The following SP2 variants were observed in gnomAD, a reference collection of about 807,000 sequenced individuals.
SP2 encodes Sp2 transcription factor.
A neutral mutation model predicts 50.1 loss-of-function variants in SP2; 9 were observed. The ratio of observed to expected loss-of-function variants is 0.18; its 90% CI spans 0.11 to 0.31. The LOEUF is 0.31. Ranked by LOEUF, SP2 falls within the 10% of genes least tolerant of loss-of-function variation. The probability of loss-of-function intolerance (pLI) is 1.00; values close to 1 mark genes in which losing one functional copy is unlikely to be tolerated. For synonymous variants in SP2, 313 were observed against 326.6 expected, an observed-to-expected ratio of 0.96 and a Z score of 0.45; for missense variants, 581 against 806.5, an observed-to-expected ratio of 0.72 and a Z score of 3.39.
Position 47,920,189 on chromosome 17 carries a change from C to A in SP2, c.1060-2773C>A, listed in dbSNP as rs543747177. On this transcript the variant is annotated intron_variant, in intron 3 of 6. Transcript: ENST00000376741. ...ATTGGCAGCTCTTTTCAGGTCGGCTCTCTGCAACCTCCGCCTCCCGGGTTC... is the reference window on the plus strand; with the variant it reads ...ATTGGCAGCTCTTTTCAGGTCGGCTATCTGCAACCTCCGCCTCCCGGGTTC... 2.4e-4 allele frequency among the ~76,000 whole-genome samples: 37 copies of A among 152,126 alleles called. 1 individual carries two copies. Among genetic ancestry groups the A allele is most frequent in the African/African-American group, 7.2e-4 (30 of 41,512 alleles).
chr17:47,913,947 CA>C (rs1014269779), intron 1 of SP2, among the ~76,000 whole-genome samples: 2 of 152,110 alleles, frequency 1.3e-5, no homozygotes, highest in Non-Finnish European at 2.9e-5. Flanking sequence ...CACATTTAAA[CA>C]AAAATAGAAT....
chr17:47,915,690 T>A (rs2035171967), intron 2 of SP2, among the ~76,000 whole-genome samples: 1 of 152,170 alleles, frequency 6.6e-6, no homozygotes, highest in African/African-American at 2.4e-5. Context: ...GTCTATAAAG[T>A]TACATGTTCC....
Position 47,925,063 on chromosome 17 carries a change from C to G in SP2, c.1517C>G (p.Thr506Arg), listed in dbSNP as rs759383123. The G allele has an allele frequency of 6.2e-7, 1 of 1,612,944 alleles. No homozygotes were observed. The highest frequency in any genetic ancestry group is 8.5e-7 in the Non-Finnish European group (1 of 1,179,284). Reference protein sequence around the residue: ...PGEKRRRMACTCPNCKDGEKR... With the variant: ...PGEKRRRMACRCPNCKDGEKR... ...GAGAAGCGGCGCCGCATGGCCTGCA[C>G]GTGTCCCAACTGCAAGGATGGGGAG... The change falls in exon 5 of 7, where the codon ACG becomes AGG. Residue 506 changes from threonine (T) to arginine (R), a missense_variant. Transcript: ENST00000376741.
chr17:47,920,291 T>TA (rs1206994089), intron 3 of SP2, among the ~76,000 whole-genome samples: 1 of 133,714 alleles, frequency 7.5e-6, no homozygotes, highest in Non-Finnish European at 1.6e-5. Context: ...AATTTTTGAA[T>TA]TTTTTTTTTT....
At chr17:47,925,574 C>T (rs1452201729) in intron 6 of SP2, 33 bp downstream of exon 6, 1 of 1,583,368 alleles carries the variant, frequency 6.3e-7, no homozygotes, top group Non-Finnish European at 8.6e-7. Context: ...CCTCCACCCA[C>T]AGAGGTCAAA....
In SP2 at chr17:47,916,842, C is replaced by T. The variant is rs2035227431; in HGVS notation, c.771C>T (p.Pro257=). Residue 257 remains proline (P), a synonymous_variant, in exon 3 of 7, where the codon CCC becomes CCT. Transcript: ENST00000376741. The surrounding 1 kb of genome is among the most constrained non-coding windows in gnomAD (Gnocchi z 4.7). The stretch of plus-strand genomic sequence containing the variant: ...AGAAGAGCCTTCCTGCCTCCCAGCC[C>T]CCTGTGGCTGTGGCTGAGCAGGTGG... The part of the protein sequence containing the change: ...ARKKSLPASQ[P]PVAVAEQVET... The T allele has an allele frequency of 6.2e-7, 1 of 1,613,746 alleles. No individual in the cohort carries two copies. Among genetic ancestry groups the T allele is most frequent in the African/African-American group, 1.3e-5 (1 of 74,936 alleles).
rs2035214597 is a variant in SP2, at chr17:47,916,630, T to G, written c.559T>G (p.Ser187Ala). 1 of 1,613,860 alleles carries G rather than the reference T, an allele frequency of 6.2e-7. No individual in the cohort carries two copies. The highest frequency in any genetic ancestry group is 8.5e-7 in the Non-Finnish European group (1 of 1,179,944). Residue 187 changes from serine (S) to alanine (A), a missense_variant, in exon 3 of 7, where the codon TCG becomes GCG. By Grantham distance (99) the Ser-to-Ala change is moderately conservative (BLOSUM62 1). Coordinates refer to ENST00000376741, the MANE Select transcript of SP2 (RefSeq NM_003110.6). The surrounding 1 kb of genome is among the most constrained non-coding windows in gnomAD (Gnocchi z 4.7). ...VPIKPAPIQK[S>A]STTTTPVQSG... ...CATCAAGCCAGCCCCCATCCAGAAG[T>G]CGAGTACGACCACCACCCCCGTGCA...
chr17:47,917,257 C>A, intron 3 of SP2, 127 bp downstream of exon 3: 1 of 943,172 alleles, frequency 1.1e-6, no homozygotes, highest in Non-Finnish European at 1.6e-6. Flanking sequence ...TTGGGGTGGG[C>A]AGTAAGTGGC....
At position 47,917,046 on chromosome 17, in the gene SP2, G is replaced by C. The variant is rs2035238328; in HGVS notation, c.975G>C (p.Gln325His). The C allele has an allele frequency of 1.9e-6, 3 of 1,613,938 alleles. No homozygotes were observed. In the African/African-American group the frequency reaches 4.0e-5, roughly 22 times the overall value. ...CCCAGCAGGCTCTGCGGGTGGTGCA[G>C]GCGGCATCTGCCACCCTCCCCACTG... is the stretch of plus-strand genomic sequence containing the variant. ...QIPQQALRVV[Q>H]AASATLPTVP... The change falls in exon 3 of 7, where the codon CAG becomes CAC. Residue 325 changes from glutamine (Q) to histidine (H), a missense_variant. Transcript: ENST00000376741.
At position 47,916,630 on chromosome 17, in the gene SP2, T is replaced by C; in HGVS notation, c.559T>C (p.Ser187Pro). Residue 187 changes from serine to proline, a missense_variant, in exon 3 of 7, where the codon TCG becomes CCG. Ser to Pro is a moderately conservative substitution (Grantham distance 74, BLOSUM62 -1). Coordinates refer to ENST00000376741, the MANE Select transcript of SP2 (RefSeq NM_003110.6). This position sits in a 1 kb window ranked among gnomAD's most constrained non-coding sequence, Gnocchi z 4.7. ...CATCAAGCCAGCCCCCATCCAGAAG[T>C]CGAGTACGACCACCACCCCCGTGCA... Reference protein sequence around the residue: ...VPIKPAPIQKSSTTTTPVQSG... With the variant: ...VPIKPAPIQKPSTTTTPVQSG... The C allele has an allele frequency of 6.2e-7, 1 of 1,613,860 alleles. No individual in the cohort carries two copies. Among genetic ancestry groups the C allele is most frequent in the African/African-American group, 1.3e-5 (1 of 74,940 alleles).
Position 47,916,831 on chromosome 17 carries a change from GCCTCCCAGC to G in SP2, c.763_771del (p.Ser255_Pro257del), listed in dbSNP as rs749223530. 6.2e-7 allele frequency: 1 copy of G among 1,614,034 alleles called. No homozygotes were observed. Among genetic ancestry groups the G allele is most frequent in the East Asian group, 2.2e-5 (1 of 44,878 alleles). On this transcript the variant is annotated inframe_deletion, in exon 3 of 7. Coordinates refer to ENST00000376741, the MANE Select transcript of SP2 (RefSeq NM_003110.6). The surrounding 1 kb of genome is among the most constrained non-coding windows in gnomAD (Gnocchi z 4.7). The stretch of plus-strand genomic sequence containing the variant: ...GAAAGCAAGGAAGAAGAGCCTTCCT[GCCTCCCAGC>G]CCCCTGTGGCTGTGGCTGAGCAGGT...
intron 1 of SP2, among the ~76,000 whole-genome samples, chr17:47,907,401 A>T (rs1041968663): frequency 6.6e-6 from 1 of 152,188 alleles, no homozygotes; most frequent in Non-Finnish European, 1.5e-5. Context: ...CTGCAACCCC[A>T]TCCCTATGCC....
rs1432473076 is a variant in SP2 at position 47,917,035 on chromosome 17, C to T, written c.964C>T (p.Arg322Trp). 3.1e-6 allele frequency: 5 copies of T among 1,614,116 alleles called. No homozygotes were observed. Among genetic ancestry groups the T allele is most frequent in the East Asian group, 4.5e-5 (2 of 44,890 alleles). Residue 322 changes from arginine (R) to tryptophan (W), a missense_variant, in exon 3 of 7, where the codon CGG (arginine) becomes TGG (tryptophan). Physicochemically the swap from Arg to Trp is moderately radical, Grantham distance 101 (BLOSUM62 -3). Around this residue, in one of 2 missense-constraint regions of SP2, gnomAD observed 397 missense variants for 491.0 expected, o/e 0.81. Transcript: ENST00000376741. ...GGTACAGATCCCCCAGCAGGCTCTG[C>T]GGGTGGTGCAGGCGGCATCTGCCAC... The part of the protein sequence containing the change: ...QVVQIPQQAL[R>W]VVQAASATLP...
intron 1 of SP2, chr17:47,897,944 T>G: frequency 1.1e-6 from 1 of 870,202 alleles, no homozygotes; most frequent in South Asian, 5.3e-5. Flanking sequence ...TTTCTAATTC[T>G]AGTTCTTCCT....
At chr17:47,901,331 G>A (rs962370374) in intron 1 of SP2, among the ~76,000 whole-genome samples, 1 of 152,148 alleles carries the variant, frequency 6.6e-6, no homozygotes, top group Non-Finnish European at 1.5e-5. Flanking sequence ...ATTTTTAGAA[G>A]AGACGGGGTT....
chr17:47,918,496 G>A (rs888420447), intron 3 of SP2: 6 of 152,080 alleles, frequency 3.9e-5, no homozygotes, highest in African/African-American at 9.7e-5. Flanking sequence ...GCACATCCTC[G>A]GCATTGCCTC....
intron 3 of SP2, among the ~76,000 whole-genome samples, chr17:47,922,261 C>T (rs949908653): frequency 6.6e-6 from 1 of 152,162 alleles, no homozygotes; most frequent in African/African-American, 2.4e-5. Flanking sequence ...GGACACCCTC[C>T]TCCCCGCTAC....
At chr17:47,906,434 C>T (rs1287773708) in intron 1 of SP2, among the ~76,000 whole-genome samples, 1 of 152,130 alleles carries the variant, frequency 6.6e-6, no homozygotes, top group Admixed American at 6.5e-5. Context: ...CATGGCCCAC[C>T]CTGGGGAGCC....
intron 1 of SP2, among the ~76,000 whole-genome samples, chr17:47,908,916 C>A (rs7211859): frequency 0.28 from 42,557 of 152,112 alleles, 6,835 homozygotes; most frequent in Middle Eastern, 0.41. Flanking sequence ...CATCCTGACT[C>A]CAGCAGGGAC....
Sources: allele counts gnomAD v4.1 joint callset (sites outside exome capture counted in the v4.1 genomes callset), GRCh38; gene constraint gnomAD v4.1.1; regional missense constraint gnomAD v4.1.1; non-coding constraint Gnocchi (gnomAD v3.1); transcripts MANE v1.5; gene names NCBI Gene and HGNC (gene_info 2026-07-23, HGNC 2026-07-21).